Variants in SDC2 observed in about 807,000 individuals in gnomAD.
SDC2 encodes syndecan-2.
A neutral mutation model predicts 22.2 loss-of-function variants in SDC2; 13 were observed. The observed-to-expected ratio is 0.59, with a 90% CI of 0.38 to 0.93. The LOEUF (loss-of-function observed/expected upper bound fraction) is 0.93. Ranked by LOEUF, SDC2 falls within the 40% of genes least tolerant of loss-of-function variation. SDC2 has a pLI of 0.00. For synonymous variants in SDC2, 94 were observed against 92.8 expected (o/e 1.01, Z -0.07); for missense variants, 235 against 246.8 (o/e 0.95, Z 0.32).
At chr8:96,597,419 A>G (rs1016428552) in intron 2 of SDC2, among the ~76,000 whole-genome samples, 1 of 152,210 alleles carries the variant, frequency 6.6e-6, no homozygotes, top group African/African-American at 2.4e-5. Context: ...GATGTTGCCT[A>G]CATTTGACAC....
At chr8:96,495,227 G>A (rs1813051702) in intron 1 of SDC2, among the ~76,000 whole-genome samples, 1 of 152,338 alleles carries the variant, frequency 6.6e-6, no homozygotes, top group Admixed American at 6.5e-5. Flanking sequence ...TGGCCCTGGC[G>A]GGGCGCTTCT....
At chr8:96,547,888 A>G (rs151190372) in intron 1 of SDC2, among the ~76,000 whole-genome samples, 2 of 151,964 alleles carry the variant, frequency 1.3e-5, no homozygotes, top group African/African-American at 2.4e-5. Context: ...GAGCCTCCCA[A>G]GTAGCTGGAA....
intron 4 of SDC2, 144 bp downstream of exon 4, chr8:96,608,614 A>G (rs1476326750): frequency 1.9e-5 from 13 of 690,256 alleles, no homozygotes; most frequent in Middle Eastern, 3.9e-4. Context: ...AGCGAGAAGC[A>G]AGAGGCTCAG....
At chr8:96,516,483 A>G (rs113520592) in intron 1 of SDC2, among the ~76,000 whole-genome samples, 153 of 152,256 alleles carry the variant, frequency 1.0e-3, no homozygotes, top group African/African-American at 3.5e-3. Flanking sequence ...TTTTTAGTGT[A>G]TTCACACAAT....
intron 1 of SDC2, among the ~76,000 whole-genome samples, chr8:96,580,995 G>A (rs551378671): frequency 1.2e-3 from 182 of 151,936 alleles, no homozygotes; most frequent in African/African-American, 4.2e-3. Flanking sequence ...TTTATTCCTG[G>A]ACTAACTTGG....
At position 96,581,307 on chromosome 8, in the gene SDC2, G is replaced by T. The variant is rs79500855; in HGVS notation, c.61-12173G>T. Among the ~76,000 whole-genome samples, 418 of 152,182 alleles carry T rather than the reference G, an allele frequency of 2.7e-3. 6 individuals are homozygous for T. The East Asian group carries it at 0.031, about 11-fold the overall frequency. On this transcript the variant is annotated intron_variant, in intron 1 of 4. Coordinates refer to ENST00000302190, the MANE Select transcript of SDC2 (RefSeq NM_002998.4). Reference sequence around the variant, plus strand: ...CAAATTCGCTTTTACCTTTCATCCTGTGCGACCCTGATATCATAAGAATAA... The same window carrying T: ...CAAATTCGCTTTTACCTTTCATCCTTTGCGACCCTGATATCATAAGAATAA...
At chr8:96,544,936 G>T (rs1445594231) in intron 1 of SDC2, among the ~76,000 whole-genome samples, 1 of 152,090 alleles carries the variant, frequency 6.6e-6, no homozygotes, top group Non-Finnish European at 1.5e-5. Flanking sequence ...TTTTTTATGG[G>T]CCTACCATTT....
intron 1 of SDC2, among the ~76,000 whole-genome samples, chr8:96,534,226 C>T (rs554289879): frequency 9.4e-4 from 143 of 152,306 alleles, no homozygotes; most frequent in Non-Finnish European, 1.5e-3. Flanking sequence ...GGAGCTGGCC[C>T]CAGCCTCGGC....
chr8:96,541,503 C>CAAAA (rs201996850), intron 1 of SDC2, among the ~76,000 whole-genome samples: 1 of 103,262 alleles, frequency 9.7e-6, no homozygotes, highest in African/African-American at 3.6e-5. Flanking sequence ...AAGCCCATCT[C>CAAAA]AAAAAAAAAA....
intron 1 of SDC2, among the ~76,000 whole-genome samples, chr8:96,572,090 G>GT (rs1046116789): frequency 3.3e-5 from 5 of 152,006 alleles, no homozygotes; most frequent in Middle Eastern, 3.4e-3. Flanking sequence ...CTGCCACCCT[G>GT]TTTTTTTTCC....
intron 1 of SDC2, among the ~76,000 whole-genome samples, chr8:96,556,057 TACAC>T (rs753567813): frequency 7.4e-5 from 11 of 147,756 alleles, no homozygotes; most frequent in South Asian, 6.5e-4. Flanking sequence ...CACACACACA[TACAC>T]ACACACACAC....
At chr8:96,495,543 C>A (rs1813060003) in intron 1 of SDC2, among the ~76,000 whole-genome samples, 1 of 152,184 alleles carries the variant, frequency 6.6e-6, no homozygotes, top group African/African-American at 2.4e-5. Flanking sequence ...TCTGGCCCTT[C>A]TGGTTCCCCA....
chr8:96,532,420 T>G lies in SDC2; in HGVS notation c.60+38089T>G, dbSNP rs537307729. Among the ~76,000 whole-genome samples the G allele has an allele frequency of 2.0e-3, 285 of 142,714 alleles. 2 individuals are homozygous for G. The highest frequency in any genetic ancestry group is 7.2e-3 in the African/African-American group (278 of 38,426). The allele number at this position is 142,714 out of a possible 152,430, so 93.6% of individuals were successfully genotyped here. ...TCTCTGCTTATTGAGGCGTTTTTTT[T>G]TTTTTTTTTTTTTTTGGTAGGGCTT... On this transcript the variant is annotated intron_variant, in intron 1 of 4. Coordinates refer to ENST00000302190, the MANE Select transcript of SDC2 (RefSeq NM_002998.4).
intron 2 of SDC2, among the ~76,000 whole-genome samples, chr8:96,594,292 T>TGTA (rs1449271617): frequency 8.5e-5 from 13 of 152,264 alleles, no homozygotes; most frequent in African/African-American, 2.9e-4. Flanking sequence ...ATGTCAGTGG[T>TGTA]CAGCTGCCGG....
intron 1 of SDC2, among the ~76,000 whole-genome samples, chr8:96,506,441 A>C (rs1233855818): frequency 6.6e-6 from 1 of 152,142 alleles, no homozygotes; most frequent in Admixed American, 6.5e-5. Flanking sequence ...CTTATATATT[A>C]TACACATCAT....
intron 2 of SDC2, among the ~76,000 whole-genome samples, chr8:96,594,487 A>T (rs558501499): frequency 6.6e-6 from 1 of 152,310 alleles, no homozygotes; most frequent in Non-Finnish European, 1.5e-5. Context: ...TGGGCACAGC[A>T]TCACTTTTAC....
At chr8:96,521,879 T>C (rs997656009) in intron 1 of SDC2, among the ~76,000 whole-genome samples, 9 of 152,204 alleles carry the variant, frequency 5.9e-5, no homozygotes, top group Non-Finnish European at 1.0e-4. Context: ...TATTGAACAT[T>C]GTCAACCTAA....
chr8:96,517,659 C>G (rs1019828945), intron 1 of SDC2, among the ~76,000 whole-genome samples: 1 of 151,982 alleles, frequency 6.6e-6, no homozygotes, highest in East Asian at 1.9e-4. Context: ...GGGTTTATTT[C>G]TGCACTCTCA....
chr8:96,545,710 G>A (rs1044547864), intron 1 of SDC2, among the ~76,000 whole-genome samples: 9 of 152,266 alleles, frequency 5.9e-5, no homozygotes, highest in Admixed American at 1.3e-4. Context: ...CTTCCACCCC[G>A]ACCCTGAAAT....
Sources: gnomAD v4.1 joint callset for allele counts (sites outside exome capture counted in the v4.1 genomes callset) on GRCh38, gnomAD v4.1.1 for gene constraint, MANE v1.5 for transcripts, NCBI Gene and HGNC (gene_info 2026-07-23, HGNC 2026-07-21) for gene names.